MAML2: variants seen among roughly 807,000 people sequenced by gnomAD.
The protein encoded by MAML2 is mastermind like transcriptional coactivator 2, also known as mastermind-like protein 2.
Under a neutral mutation model 96.1 loss-of-function variants are expected in MAML2, and 22 were observed. That is an observed-to-expected ratio of 0.23 (90% CI 0.16 to 0.33). MAML2 has a LOEUF of 0.33. Ranked by LOEUF, MAML2 falls within the 10% of genes least tolerant of loss-of-function variation. MAML2 has a pLI of 1.00. For synonymous variants in MAML2, 561 were observed against 521.3 expected, an observed-to-expected ratio of 1.08 and a Z score of -1.04; for missense variants, 1,367 against 1,392.4, an observed-to-expected ratio of 0.98 and a Z score of 0.29.
At chr11:95,998,141 A>AGTCAGTCTGTCTGTCTGTCTGTCT (rs369718219) in intron 2 of MAML2, among the ~76,000 whole-genome samples, 9 of 143,544 alleles carry the variant, frequency 6.3e-5, no homozygotes, top group Non-Finnish European at 1.4e-4. Context: ...TCTGTCTGTC[A>AGTCAGTCTGTCTGTCTGTCTGTCT]GTCTGTCTGT....
chr11:96,127,681 C>T (rs1860470841), intron 1 of MAML2, among the ~76,000 whole-genome samples: 1 of 152,176 alleles, frequency 6.6e-6, no homozygotes, highest in Admixed American at 6.5e-5. Context: ...AGAGTAAAAA[C>T]ACATTTGGAT....
intron 1 of MAML2, among the ~76,000 whole-genome samples, chr11:96,276,762 C>A (rs1862993306): frequency 6.7e-6 from 1 of 150,146 alleles, no homozygotes; most frequent in African/African-American, 2.5e-5. Flanking sequence ...GTGGTTAGCT[C>A]CCCATTTTCA....
intron 1 of MAML2, among the ~76,000 whole-genome samples, chr11:96,147,638 T>A (rs908781382): frequency 6.6e-6 from 1 of 152,238 alleles, no homozygotes; most frequent in Non-Finnish European, 1.5e-5. Flanking sequence ...CAAAGACAAT[T>A]TAACTAAAAC....
chr11:96,039,103 G>C (rs1565196406), intron 2 of MAML2, among the ~76,000 whole-genome samples: 2 of 152,042 alleles, frequency 1.3e-5, no homozygotes. Context: ...TGTTTTTAAA[G>C]AATTAGTCAG....
chr11:96,129,610 G>T (rs2135854556), intron 1 of MAML2, among the ~76,000 whole-genome samples: 1 of 152,228 alleles, frequency 6.6e-6, no homozygotes, highest in South Asian at 2.1e-4. Flanking sequence ...TTTTTGTTTT[G>T]TTTTGTTTTG....
intron 1 of MAML2, among the ~76,000 whole-genome samples, chr11:96,169,271 C>T (rs1861242991): frequency 6.6e-6 from 1 of 152,212 alleles, no homozygotes; most frequent in Non-Finnish European, 1.5e-5. Flanking sequence ...AGAGAGAGTG[C>T]CAGCTCCACT....
intron 1 of MAML2, among the ~76,000 whole-genome samples, chr11:96,094,707 T>C (rs983282159): frequency 3.3e-5 from 5 of 152,202 alleles, no homozygotes; most frequent in Non-Finnish European, 2.9e-5. Flanking sequence ...TGTTGATTTG[T>C]CTCTGAAGTG....
chr11:96,007,882 G>T (rs1371130488), intron 2 of MAML2, among the ~76,000 whole-genome samples: 1 of 129,916 alleles, frequency 7.7e-6, no homozygotes, highest in African/African-American at 2.9e-5. Flanking sequence ...GTGGTGGGGT[G>T]GGGGGAGGGG....
intron 1 of MAML2, among the ~76,000 whole-genome samples, chr11:96,204,392 A>G (rs1005105589): frequency 2.6e-5 from 4 of 152,236 alleles, no homozygotes; most frequent in African/African-American, 7.2e-5. Context: ...CAAACAGACT[A>G]AGTAATGTGC....
intron 2 of MAML2, among the ~76,000 whole-genome samples, chr11:96,064,316 G>A (rs1055964403): frequency 2.0e-5 from 3 of 152,134 alleles, no homozygotes; most frequent in Non-Finnish European, 2.9e-5. Context: ...GGTCAAGTCC[G>A]CTCTAGAAAA....
intron 1 of MAML2, among the ~76,000 whole-genome samples, chr11:96,330,727 A>T (rs1489247414): frequency 6.6e-6 from 1 of 152,212 alleles, no homozygotes; most frequent in Non-Finnish European, 1.5e-5. Context: ...GGTTCTCTGC[A>T]TGCTCATCTC....
intron 2 of MAML2, among the ~76,000 whole-genome samples, chr11:96,080,598 G>A (rs192942172): frequency 1.3e-5 from 2 of 152,238 alleles, no homozygotes; most frequent in East Asian, 1.9e-4. Flanking sequence ...CTTGTGTTAC[G>A]TCTCTCATTC....
chr11:96,147,867 G>T (rs1221382453), intron 1 of MAML2, among the ~76,000 whole-genome samples: 1 of 152,184 alleles, frequency 6.6e-6, no homozygotes, highest in Non-Finnish European at 1.5e-5. Flanking sequence ...GTCTTAAAAG[G>T]GGGATTGTTT....
chr11:96,000,914 G>A (rs967896874), intron 2 of MAML2, among the ~76,000 whole-genome samples: 7 of 152,282 alleles, frequency 4.6e-5, no homozygotes, highest in Admixed American at 4.6e-4. Flanking sequence ...TGAGAGGTTG[G>A]GTGGTGGAGA....
At position 96,341,461 on chromosome 11, in the gene MAML2, A is replaced by G. The variant is rs1565289122; in HGVS notation, c.435T>C (p.Gly145=). The part of the protein sequence containing the change: ...QQHLLNSSNN[G]GSGGINGEQQ... ...GCTCTCCGTTTATCCCACCACTGCCACCATTATTGCTACTGTTCAGCAGGT... is the reference window on the plus strand; with the variant it reads ...GCTCTCCGTTTATCCCACCACTGCCGCCATTATTGCTACTGTTCAGCAGGT... The change falls in exon 1 of 5, where the codon GGT becomes GGC. Residue 145 remains glycine (G), a synonymous_variant. Coordinates refer to ENST00000524717, the MANE Select transcript of MAML2 (RefSeq NM_032427.4). 6.4e-7 allele frequency: 1 copy of G among 1,550,686 alleles called. No individual in the cohort carries two copies. Among genetic ancestry groups the G allele is most frequent in the East Asian group, 2.4e-5 (1 of 40,850 alleles).
intron 1 of MAML2, among the ~76,000 whole-genome samples, chr11:96,225,205 A>T (rs973922974): frequency 1.8e-4 from 27 of 152,156 alleles, no homozygotes; most frequent in African/African-American, 6.5e-4. Context: ...ATGGTGTGCA[A>T]CTTTGGAACT....
At chr11:95,997,950 A>T (rs931824570) in intron 2 of MAML2, among the ~76,000 whole-genome samples, 9 of 152,142 alleles carry the variant, frequency 5.9e-5, no homozygotes, top group African/African-American at 9.7e-5. Context: ...ATATATTTTT[A>T]AAATGTTTCC....
At position 96,107,689 on chromosome 11, in the gene MAML2, C is replaced by A. The variant is rs1224897216; in HGVS notation, c.514-14172G>T. On this transcript the variant is annotated intron_variant, in intron 1 of 4. Coordinates refer to ENST00000524717, the MANE Select transcript of MAML2 (RefSeq NM_032427.4). The stretch of plus-strand genomic sequence containing the variant: ...TGGGACTTTTGGCTTCACCACCCAA[C>A]CTCCAGGGAGGAGAGAGGGGCTAAA... 4.6e-5 allele frequency among the ~76,000 whole-genome samples: 7 copies of A among 152,194 alleles called. No individual in the cohort carries two copies. The South Asian group carries it at 1.2e-3, about 27-fold the overall frequency.
chr11:95,993,998 G>A (rs563997562), intron 2 of MAML2, among the ~76,000 whole-genome samples: 1 of 152,320 alleles, frequency 6.6e-6, no homozygotes, highest in Admixed American at 6.5e-5. Context: ...AGTGGCCGAG[G>A]AGGATTTGAA....
Sources: allele counts gnomAD v4.1 joint callset (sites outside exome capture counted in the v4.1 genomes callset), GRCh38; gene constraint gnomAD v4.1.1; transcripts MANE v1.5; gene names NCBI Gene and HGNC (gene_info 2026-07-23, HGNC 2026-07-21).